CNTNAP5: variants seen among roughly 807,000 people sequenced by gnomAD.
CNTNAP5 encodes contactin associated protein family member 5.
A neutral mutation model predicts 150.2 loss-of-function variants in CNTNAP5; 72 were observed. The ratio of observed to expected loss-of-function variants is 0.48; its 90% CI spans 0.40 to 0.58. The LOEUF is 0.58. Ranked by LOEUF, CNTNAP5 falls within the 20% of genes least tolerant of loss-of-function variation. The pLI, the probability that CNTNAP5 is intolerant of heterozygous loss-of-function variation, is 0.00. For missense variants in CNTNAP5, 1,636 were observed against 1,626.2 expected (o/e 1.01, Z -0.10); for synonymous variants, 672 against 619.8 (o/e 1.08, Z -1.25).
chr2:124,101,244 C>T (rs1221436293), intron 1 of CNTNAP5, among the ~76,000 whole-genome samples: 1 of 152,100 alleles, frequency 6.6e-6, no homozygotes. Flanking sequence ...TTCCTTATAA[C>T]AAAATATGCC....
chr2:124,407,488 C>T (rs1476474507), intron 3 of CNTNAP5, among the ~76,000 whole-genome samples: 4 of 152,070 alleles, frequency 2.6e-5, no homozygotes, highest in Non-Finnish European at 5.9e-5. Context: ...AAAGGCATAT[C>T]AGTGTATTTA....
intron 3 of CNTNAP5, among the ~76,000 whole-genome samples, chr2:124,395,794 C>G (rs551706194): frequency 1.3e-5 from 2 of 152,118 alleles, no homozygotes; most frequent in Non-Finnish European, 1.5e-5. Context: ...CACACGTGCA[C>G]GCACATACAC....
At position 124,609,784 on chromosome 2, in the gene CNTNAP5, T is replaced by C. The variant is rs375894006; in HGVS notation, c.1757-17T>C. The C allele has an allele frequency of 9.4e-5, 151 of 1,612,320 alleles. No individual in the cohort carries two copies. Among genetic ancestry groups the C allele is most frequent in the Non-Finnish European group, 1.1e-4 (133 of 1,178,670 alleles). On this transcript the variant is annotated splice_polypyrimidine_tract_variant and intron_variant, in intron 11 of 23. Coordinates refer to ENST00000682447, the MANE Select transcript of CNTNAP5 (RefSeq NM_001367498.1). ...GAGCCAAGCAAAGTTTTATCTCTGC[T>C]GCCTTTGTCTTTCCAGCCATCTACG...
chr2:124,217,864 A>G (rs1558805794), intron 1 of CNTNAP5, among the ~76,000 whole-genome samples: 1 of 152,282 alleles, frequency 6.6e-6, no homozygotes, highest in South Asian at 2.1e-4. Context: ...ATGGCTGGAT[A>G]TGATGAAAAT....
At chr2:124,106,964 C>T (rs1683184055) in intron 1 of CNTNAP5, among the ~76,000 whole-genome samples, 3 of 152,164 alleles carry the variant, frequency 2.0e-5, no homozygotes, top group Non-Finnish European at 4.4e-5. Flanking sequence ...AAAAAAAACC[C>T]AGACATTTGG....
intron 3 of CNTNAP5, among the ~76,000 whole-genome samples, chr2:124,388,364 T>C (rs1228074120): frequency 6.6e-6 from 1 of 152,182 alleles, no homozygotes; most frequent in Admixed American, 6.5e-5. Context: ...AAAGCACTGC[T>C]GATGCCACTC....
At chr2:124,307,225 G>A (rs1028700888) in intron 3 of CNTNAP5, among the ~76,000 whole-genome samples, 7 of 152,002 alleles carry the variant, frequency 4.6e-5, no homozygotes, top group Non-Finnish European at 1.0e-4. Context: ...ATTGTCACAT[G>A]GCCCTTCCTT....
intron 3 of CNTNAP5, among the ~76,000 whole-genome samples, chr2:124,373,997 G>A (rs1441771587): frequency 6.6e-6 from 1 of 151,960 alleles, no homozygotes; most frequent in African/African-American, 2.4e-5. Context: ...GTGTGTACAT[G>A]TATATATGTG....
chr2:124,861,411 A>T (rs541260483), intron 19 of CNTNAP5, among the ~76,000 whole-genome samples: 37 of 152,010 alleles, frequency 2.4e-4, no homozygotes, highest in South Asian at 2.3e-3. Context: ...CAAGTCTACT[A>T]AAAATACAAA....
At chr2:124,522,788 T>C (rs1352297156) in intron 8 of CNTNAP5, among the ~76,000 whole-genome samples, 1 of 152,250 alleles carries the variant, frequency 6.6e-6, no homozygotes, top group Non-Finnish European at 1.5e-5. Context: ...TGTTTCTTTA[T>C]ACAGGCTCTC....
At position 124,025,708 on chromosome 2, in the gene CNTNAP5, C is replaced by T; in HGVS notation, c.58C>T (p.His20Tyr). 8 of 1,613,778 alleles carry T rather than the reference C, an allele frequency of 5.0e-6. No individual in the cohort carries two copies. Among genetic ancestry groups the T allele is most frequent in the Middle Eastern group, 1.6e-4 (1 of 6,062 alleles). Residue 20 changes from histidine to tyrosine, a missense_variant, in exon 1 of 24, where the codon CAT (histidine) becomes TAT (tyrosine). Physicochemically the swap from His to Tyr is moderately conservative, Grantham distance 83. Transcript: ENST00000682447. ...GACTTTGCTGTTCTCTGGCTTGTGGCATTTAGGATTAACAGCGACAAACTG... is the reference window on the plus strand; with the variant it reads ...GACTTTGCTGTTCTCTGGCTTGTGGTATTTAGGATTAACAGCGACAAACTG... ...VLTLLFSGLW[H>Y]LGLTATNYNC... is the part of the protein sequence containing the mutation.
At chr2:124,555,555 C>A (rs965062784) in intron 10 of CNTNAP5, among the ~76,000 whole-genome samples, 11 of 152,168 alleles carry the variant, frequency 7.2e-5, no homozygotes, top group Non-Finnish European at 1.3e-4. Context: ...TGGGATTATA[C>A]AACTTAAGTT....
intron 16 of CNTNAP5, among the ~76,000 whole-genome samples, chr2:124,768,199 A>G (rs1681107479): frequency 6.6e-6 from 1 of 151,974 alleles, no homozygotes; most frequent in Non-Finnish European, 1.5e-5. Context: ...TGTGTAATTT[A>G]TTTTTAAAAA....
At chr2:124,302,330 G>A (rs1467753847) in intron 3 of CNTNAP5, among the ~76,000 whole-genome samples, 2 of 152,184 alleles carry the variant, frequency 1.3e-5, no homozygotes, top group Non-Finnish European at 2.9e-5. Flanking sequence ...TTATGTGCCG[G>A]TCTTAGCTTA....
intron 12 of CNTNAP5, among the ~76,000 whole-genome samples, chr2:124,615,947 C>G (rs889635644): frequency 1.3e-5 from 2 of 152,046 alleles, no homozygotes; most frequent in Non-Finnish European, 2.9e-5. Flanking sequence ...GAAAGAAATC[C>G]TTTTTTTGTT....
intron 1 of CNTNAP5, among the ~76,000 whole-genome samples, chr2:124,093,730 A>T (rs1573748709): frequency 6.6e-6 from 1 of 152,360 alleles, no homozygotes; most frequent in East Asian, 1.9e-4. Context: ...CTTGGGTATA[A>T]GATAGAGAAA....
rs185399575 is a variant in CNTNAP5 at position 124,813,312 on chromosome 2, C to T, written c.3217+14992C>T. Among the ~76,000 whole-genome samples the T allele has an allele frequency of 9.2e-5, 14 of 151,858 alleles. No homozygotes were observed. In the East Asian group the frequency reaches 2.5e-3, roughly 27 times the overall value. ...CAGGATGGTCTCGATCTCCTGACCT[C>T]GTGATCCACCCACCTTGGCCTCCCA... On this transcript the variant is annotated intron_variant, in intron 19 of 23. Transcript: ENST00000682447.
At chr2:124,407,040 T>C (rs1222224253) in intron 3 of CNTNAP5, among the ~76,000 whole-genome samples, 1 of 152,218 alleles carries the variant, frequency 6.6e-6, no homozygotes, top group East Asian at 1.9e-4. Flanking sequence ...TTTCATCCTT[T>C]TTTATGGCTG....
intron 3 of CNTNAP5, among the ~76,000 whole-genome samples, chr2:124,376,345 A>G (rs917972156): frequency 1.3e-5 from 2 of 152,114 alleles, no homozygotes; most frequent in Non-Finnish European, 2.9e-5. Context: ...CATAGACATT[A>G]CTAGGAAGCA....
Sources: allele counts gnomAD v4.1 joint callset (sites outside exome capture counted in the v4.1 genomes callset), GRCh38; gene constraint gnomAD v4.1.1; transcripts MANE v1.5; gene names NCBI Gene and HGNC (gene_info 2026-07-23, HGNC 2026-07-21).